The following PLXDC2 variants were observed in gnomAD, a reference collection of about 807,000 sequenced individuals.
PLXDC2 encodes plexin domain-containing protein 2.
A neutral mutation model predicts 68.9 loss-of-function variants in PLXDC2; 40 were observed. The ratio of observed to expected loss-of-function variants is 0.58; its 90% confidence interval spans 0.45 to 0.76. The LOEUF (loss-of-function observed/expected upper bound fraction) is 0.76, where lower values mean the gene tolerates loss of function less well. Ranked by LOEUF, PLXDC2 falls within the 30% of genes least tolerant of loss-of-function variation. The probability of loss-of-function intolerance (pLI) is 0.00; values close to 1 mark genes in which losing one functional copy is unlikely to be tolerated. For synonymous variants in PLXDC2, 243 were observed against 234.2 expected, an observed-to-expected ratio of 1.04 and a Z score of -0.34; for missense variants, 644 against 661.9, an observed-to-expected ratio of 0.97 and a Z score of 0.30.
In PLXDC2 at chr10:20,237,002, T is replaced by TG. The variant is rs199756282; in HGVS notation, c.1313-8343_1313-8342insG. The stretch of plus-strand genomic sequence containing the variant: ...AAGGTAAGGGATTATGAGTTGTTGT[T>TG]TTTTTTTTTTAAAGGATAGTCATCC... On this transcript the variant is annotated intron_variant, in intron 12 of 13. Coordinates refer to ENST00000377252, the MANE Select transcript of PLXDC2 (RefSeq NM_032812.9). 2.9e-3 allele frequency among the ~76,000 whole-genome samples: 440 copies of TG among 150,264 alleles called. 3 individuals are homozygous for TG. The highest frequency in any genetic ancestry group is 1.0e-2 in the African/African-American group (410 of 41,120).
At chr10:20,009,619 A>G (rs1183256431) in intron 2 of PLXDC2, among the ~76,000 whole-genome samples, 1 of 151,616 alleles carries the variant, frequency 6.6e-6, no homozygotes, top group East Asian at 1.9e-4. Context: ...GCATTGGTTC[A>G]TGAATAGGCA....
intron 1 of PLXDC2, among the ~76,000 whole-genome samples, chr10:19,855,329 C>T (rs1430100268): frequency 6.6e-6 from 1 of 152,074 alleles, no homozygotes; most frequent in East Asian, 1.9e-4. Flanking sequence ...TTTTGAAGTC[C>T]TTGAAATGGA....
chr10:19,881,578 A>T (rs1156554473), intron 1 of PLXDC2, among the ~76,000 whole-genome samples: 3 of 152,192 alleles, frequency 2.0e-5, no homozygotes, highest in Admixed American at 6.5e-5. Flanking sequence ...GATGGACATC[A>T]TATATATGAT....
chr10:20,126,259 G>A (rs1361482052), intron 4 of PLXDC2, among the ~76,000 whole-genome samples: 3 of 144,152 alleles, frequency 2.1e-5, no homozygotes, highest in South Asian at 2.2e-4. Context: ...ATACATATAC[G>A]TTATATAATA....
At chr10:19,887,319 G>A (rs1485168761) in intron 1 of PLXDC2, among the ~76,000 whole-genome samples, 3 of 152,056 alleles carry the variant, frequency 2.0e-5, no homozygotes, top group Non-Finnish European at 4.4e-5. Context: ...TTAGGAGTTC[G>A]AGACCATCCT....
At chr10:19,917,953 G>A (rs1833398553) in intron 1 of PLXDC2, among the ~76,000 whole-genome samples, 1 of 152,142 alleles carries the variant, frequency 6.6e-6, no homozygotes, top group African/African-American at 2.4e-5. Flanking sequence ...GGTGAGTTAT[G>A]CCAAAAGAAC....
intron 2 of PLXDC2, among the ~76,000 whole-genome samples, chr10:20,004,728 TAA>T (rs1834998658): frequency 6.6e-6 from 1 of 152,182 alleles, no homozygotes; most frequent in Admixed American, 6.5e-5. Flanking sequence ...ATTTATAAAA[TAA>T]GAAATCTCTT....
chr10:20,062,629 T>C (rs972376656), intron 3 of PLXDC2, among the ~76,000 whole-genome samples: 7 of 152,144 alleles, frequency 4.6e-5, no homozygotes, highest in Non-Finnish European at 8.8e-5. Flanking sequence ...AAGAAGATGA[T>C]AAAATGTGTG....
intron 4 of PLXDC2, among the ~76,000 whole-genome samples, chr10:20,103,890 G>C (rs1833455765): frequency 6.6e-6 from 1 of 152,158 alleles, no homozygotes; most frequent in Admixed American, 6.5e-5. Context: ...TGATCCGCCT[G>C]CCTTGGCCGC....
chr10:20,097,922 T>C, intron 4 of PLXDC2, among the ~76,000 whole-genome samples: 1 of 148,500 alleles, frequency 6.7e-6, no homozygotes, highest in African/African-American at 2.4e-5. Context: ...TATAGCATTA[T>C]ATTATTTATA....
At chr10:19,819,521 C>CA (rs754801321) in intron 1 of PLXDC2, among the ~76,000 whole-genome samples, 57 of 152,180 alleles carry the variant, frequency 3.7e-4, no homozygotes, top group Admixed American at 2.6e-4. Flanking sequence ...TGTCATGCAA[C>CA]AATCAGGATC....
intron 4 of PLXDC2, among the ~76,000 whole-genome samples, chr10:20,103,412 A>G (rs114808942): frequency 8.5e-4 from 130 of 152,248 alleles, no homozygotes; most frequent in African/African-American, 3.1e-3. Flanking sequence ...CAGCTTTGAA[A>G]AAGCCCTGGG....
In PLXDC2 at chr10:19,852,425, C is replaced by CAAAAAA. The variant is rs61430454; in HGVS notation, c.112+35269_112+35274dup. Reference sequence around the variant, plus strand: ...TGGGTGACAGAGCAAGACCCTGTCTCAAAAAAAAAAAAAAAAAAAAAAAAA... The same window carrying CAAAAAA: ...TGGGTGACAGAGCAAGACCCTGTCTCAAAAAAAAAAAAAAAAAAAAAAAAAAAAAAA... On this transcript the variant is annotated intron_variant, in intron 1 of 13. Transcript: ENST00000377252. Among the ~76,000 whole-genome samples, 27 of 61,936 alleles carry CAAAAAA rather than the reference C, an allele frequency of 4.4e-4. 1 individual carries two copies. Among genetic ancestry groups the CAAAAAA allele is most frequent in the Non-Finnish European group, 5.2e-4 (18 of 34,620 alleles). 40.6% of individuals were successfully genotyped at this position (61,936 alleles called of 152,430 possible).
At chr10:20,073,960 G>A (rs180707592) in intron 4 of PLXDC2, among the ~76,000 whole-genome samples, 22 of 152,270 alleles carry the variant, frequency 1.4e-4, no homozygotes, top group African/African-American at 3.8e-4. Context: ...CCATTACAGT[G>A]ATGAGATGGG....
chr10:20,084,003 T>C (rs1233526722), intron 4 of PLXDC2, among the ~76,000 whole-genome samples: 1 of 152,228 alleles, frequency 6.6e-6, no homozygotes, highest in Admixed American at 6.5e-5. Flanking sequence ...TTGGCAACTA[T>C]TTAATTAACA....
intron 2 of PLXDC2, among the ~76,000 whole-genome samples, chr10:20,006,090 G>A (rs1835024091): frequency 6.6e-6 from 1 of 151,902 alleles, no homozygotes; most frequent in Non-Finnish European, 1.5e-5. Flanking sequence ...GTGAGGATGA[G>A]AATTGCATGA....
At chr10:20,051,863 A>G (rs1835907973) in intron 3 of PLXDC2, among the ~76,000 whole-genome samples, 1 of 151,992 alleles carries the variant, frequency 6.6e-6, no homozygotes, top group African/African-American at 2.4e-5. Flanking sequence ...TTTAGTTGTT[A>G]CAGGCCTTAT....
At chr10:20,050,807 A>G (rs1245739449) in intron 3 of PLXDC2, among the ~76,000 whole-genome samples, 1 of 152,156 alleles carries the variant, frequency 6.6e-6, no homozygotes, top group Non-Finnish European at 1.5e-5. Flanking sequence ...TAGTTCAACC[A>G]TTGTGGAAAG....
At chr10:20,152,897 A>G (rs1488004579) in intron 6 of PLXDC2, among the ~76,000 whole-genome samples, 1 of 152,150 alleles carries the variant, frequency 6.6e-6, no homozygotes, top group Non-Finnish European at 1.5e-5. Flanking sequence ...TCTTCCTACA[A>G]GACAGTTTAT....
Sources: allele counts gnomAD v4.1 joint callset (sites outside exome capture counted in the v4.1 genomes callset), GRCh38; gene constraint gnomAD v4.1.1; transcripts MANE v1.5; gene names NCBI Gene and HGNC (gene_info 2026-07-23, HGNC 2026-07-21).